Variants in DSCAML1 observed in about 807,000 individuals in gnomAD.
DSCAML1 encodes the protein cell adhesion molecule DSCAML1.
Under a neutral mutation model 200.5 loss-of-function variants are expected in DSCAML1, and 38 were observed. That is an observed-to-expected ratio of 0.19 (90% CI 0.15 to 0.25). The LOEUF (loss-of-function observed/expected upper bound fraction) is 0.25. Ranked by LOEUF, DSCAML1 falls within the 10% of genes least tolerant of loss-of-function variation. DSCAML1 has a pLI of 1.00. For synonymous variants in DSCAML1, 1,215 were observed against 1,165.0 expected, an observed-to-expected ratio of 1.04 and a Z score of -0.87; for missense variants, 2,223 against 2,858.8, an observed-to-expected ratio of 0.78 and a Z score of 5.07.
chr11:117,444,244 C>A (rs561137038), intron 20 of DSCAML1, among the ~76,000 whole-genome samples: 1 of 152,190 alleles, frequency 6.6e-6, no homozygotes, highest in Non-Finnish European at 1.5e-5. Context: ...ATGGGCCTGC[C>A]TCGCGGTGTT....
intron 3 of DSCAML1, among the ~76,000 whole-genome samples, chr11:117,619,638 T>C (rs571708280): frequency 2.8e-4 from 43 of 152,344 alleles, no homozygotes; most frequent in African/African-American, 9.6e-4. Context: ...AAAATGTTCA[T>C]GTTGGTACAC....
chr11:117,813,820 T>C (rs1343953395), intron 1 of DSCAML1, among the ~76,000 whole-genome samples: 1 of 152,028 alleles, frequency 6.6e-6, no homozygotes, highest in Non-Finnish European at 1.5e-5. Flanking sequence ...TCCATACCAC[T>C]CCCCCAAAAT....
intron 3 of DSCAML1, among the ~76,000 whole-genome samples, chr11:117,566,538 G>A (rs1394765801): frequency 8.0e-6 from 1 of 125,718 alleles, no homozygotes; most frequent in African/African-American, 3.0e-5. Context: ...TTGTAGTGAT[G>A]TGATTTTTGC....
At chr11:117,542,265 C>T (rs1309327863) in intron 3 of DSCAML1, among the ~76,000 whole-genome samples, 3 of 152,032 alleles carry the variant, frequency 2.0e-5, no homozygotes, top group Admixed American at 6.6e-5. Flanking sequence ...GACTGCATTT[C>T]AGCTGGGAGA....
chr11:117,575,232 A>C (rs1257217944), intron 3 of DSCAML1, among the ~76,000 whole-genome samples: 2 of 152,174 alleles, frequency 1.3e-5, no homozygotes, highest in Non-Finnish European at 2.9e-5. Flanking sequence ...TCCTGAGAAC[A>C]AGACGCTCTG....
At chr11:117,477,185 G>C (rs1354111051) in intron 14 of DSCAML1, among the ~76,000 whole-genome samples, 2 of 115,506 alleles carry the variant, frequency 1.7e-5, no homozygotes, top group Non-Finnish European at 3.6e-5. Context: ...ACAGGTGCAG[G>C]AAGCTGTCCT....
At chr11:117,789,658 G>A (rs551188284) in intron 1 of DSCAML1, among the ~76,000 whole-genome samples, 1 of 152,156 alleles carries the variant, frequency 6.6e-6, no homozygotes, top group African/African-American at 2.4e-5. Flanking sequence ...GGGATGCTGC[G>A]TGTCCAGAGC....
Position 117,457,055 on chromosome 11 carries a change from T to C in DSCAML1, c.3568+1699A>G, listed in dbSNP as rs142279714. ...CTAGTACTTGACATTTTAGACGTGG[T>C]ATTAGTACTTGATGAGGTACCACTC... On this transcript the variant is annotated intron_variant, in intron 19 of 32. Transcript: ENST00000651296. 2.0e-3 allele frequency among the ~76,000 whole-genome samples: 299 copies of C among 152,286 alleles called. 2 individuals carry two copies. The highest frequency in any genetic ancestry group is 6.1e-3 in the African/African-American group (253 of 41,558).
In DSCAML1 at chr11:117,738,846, C is replaced by G. The variant is rs1381601742; in HGVS notation, c.511+37945G>C. Among the ~76,000 whole-genome samples the G allele has an allele frequency of 2.0e-5, 3 of 152,214 alleles. No homozygotes were observed. The East Asian group carries it at 5.8e-4, about 29-fold the overall frequency. On this transcript the variant is annotated intron_variant, in intron 3 of 32. Transcript: ENST00000651296. Reference sequence around the variant, plus strand: ...CTTTGACAGTCTACTGGATGCAACTCCAAGTCTCTCTGCAGCAGTCCCTTT... The same window carrying G: ...CTTTGACAGTCTACTGGATGCAACTGCAAGTCTCTCTGCAGCAGTCCCTTT...
chr11:117,644,066 G>A (rs1286820464), intron 3 of DSCAML1, among the ~76,000 whole-genome samples: 2 of 152,206 alleles, frequency 1.3e-5, no homozygotes, highest in Non-Finnish European at 2.9e-5. Context: ...CCAAGAGCCC[G>A]CCTTCTTTCT....
At chr11:117,432,304 A>C (rs1435140649) in intron 30 of DSCAML1, 48 bp downstream of exon 30, 2 of 1,568,560 alleles carry the variant, frequency 1.3e-6, no homozygotes, top group East Asian at 2.3e-5. Flanking sequence ...GCTATGCCCA[A>C]GCCACCCCGG....
At chr11:117,723,817 A>G (rs1264751162) in intron 3 of DSCAML1, among the ~76,000 whole-genome samples, 1 of 152,092 alleles carries the variant, frequency 6.6e-6, no homozygotes, top group Admixed American at 6.6e-5. Context: ...TCCTCCCAAC[A>G]CCCTGGGAGG....
rs1182039416 is a variant in DSCAML1 at position 117,780,455 on chromosome 11, T to C, written c.364+38A>G. The C allele has an allele frequency of 1.4e-6, 2 of 1,412,774 alleles. No individual in the cohort carries two copies. Among genetic ancestry groups the C allele is most frequent in the African/African-American group, 2.9e-5 (2 of 68,434 alleles). The allele number at this position is 1,412,774 out of a possible 1,614,324, so 87.5% of individuals were successfully genotyped here. On this transcript the variant is annotated intron_variant, in intron 2 of 32. Transcript: ENST00000651296. The surrounding 1 kb of genome is among the most constrained non-coding windows in gnomAD (Gnocchi z 4.8). ...TCCTCAGAATGACGGCGCAGCCTCC[T>C]CCTGTGCCACTGGGGCAGCCAGTGT...
chr11:117,799,929 G>A (rs2134083723), upstream of DSCAML1, among the ~76,000 whole-genome samples: 1 of 152,318 alleles, frequency 6.6e-6, no homozygotes, highest in South Asian at 2.1e-4. Context: ...GCTCCACTGG[G>A]GGAATGCTGG....
At chr11:117,794,261 T>C (rs1380887097) in intron 1 of DSCAML1, among the ~76,000 whole-genome samples, 1 of 152,158 alleles carries the variant, frequency 6.6e-6, no homozygotes, top group Non-Finnish European at 1.5e-5. Context: ...AAAATGCAAA[T>C]GCAGGCAACA....
At chr11:117,547,625 A>G (rs2050399831) in intron 3 of DSCAML1, among the ~76,000 whole-genome samples, 1 of 151,990 alleles carries the variant, frequency 6.6e-6, no homozygotes, top group South Asian at 2.1e-4. Context: ...TCCCTGCTCA[A>G]CCTTCCCTCC....
At chr11:117,711,780 G>T (rs2053854537) in intron 3 of DSCAML1, among the ~76,000 whole-genome samples, 1 of 152,032 alleles carries the variant, frequency 6.6e-6, no homozygotes, top group Non-Finnish European at 1.5e-5. Context: ...CCTTACAACT[G>T]GCCTATCATC....
intron 3 of DSCAML1, among the ~76,000 whole-genome samples, chr11:117,610,321 T>G (rs1290430325): frequency 6.6e-6 from 1 of 152,176 alleles, no homozygotes; most frequent in Non-Finnish European, 1.5e-5. Flanking sequence ...CTTCCAAAAC[T>G]ACCCCCACTG....
intron 3 of DSCAML1, among the ~76,000 whole-genome samples, chr11:117,729,881 C>T (rs1478355639): frequency 6.6e-6 from 1 of 152,130 alleles, no homozygotes; most frequent in African/African-American, 2.4e-5. Context: ...CCAAGTGGGC[C>T]CAATGTAATT....
Sources: gnomAD v4.1 joint callset for allele counts (sites outside exome capture counted in the v4.1 genomes callset) on GRCh38, gnomAD v4.1.1 for gene constraint, Gnocchi (gnomAD v3.1) non-coding constraint, MANE v1.5 for transcripts, NCBI Gene and HGNC (gene_info 2026-07-23, HGNC 2026-07-21) for gene names.